The following CTBP1 variants were observed in gnomAD, a reference collection of about 807,000 sequenced individuals.
CTBP1 encodes C-terminal-binding protein 1.
Under a neutral mutation model 42.1 loss-of-function variants are expected in CTBP1, and 11 were observed. That is an observed-to-expected ratio of 0.26 (90% CI 0.16 to 0.43). The LOEUF (loss-of-function observed/expected upper bound fraction) is 0.43, where lower values mean the gene tolerates loss of function less well. Among genes scored for constraint, CTBP1 ranks in the 20% least tolerant of loss-of-function variants. CTBP1 has a pLI of 1.00. For synonymous variants in CTBP1, 324 were observed against 277.1 expected (o/e 1.17, Z -1.68); for missense variants, 399 against 624.3 (o/e 0.64, Z 3.85).
In CTBP1 at chr4:1,238,306, C is replaced by A; in HGVS notation, c.39G>T (p.Leu13=). ...GCAATGCCACCAGGGGCCGCGGGTG[C>A]AGGGGCCCGTTCATGATCGGAGGTC... ...GVRPPIMNGP[L]HPRPLVALLD... Residue 13 remains leucine, a synonymous_variant, in exon 3 of 10, where the codon CTG becomes CTT. Coordinates refer to ENST00000382952, the MANE Select transcript of CTBP1 (RefSeq NM_001012614.2). This position sits in a 1 kb window ranked among gnomAD's most constrained non-coding sequence, Gnocchi z 5.9. 1 of 1,589,882 alleles carries A rather than the reference C, an allele frequency of 6.3e-7. No individual in the cohort carries two copies. The highest frequency in any genetic ancestry group is 1.1e-5 in the South Asian group (1 of 89,484).
chr4:1,221,697 C>T (rs376671078), intron 5 of CTBP1: 160 of 337,828 alleles, frequency 4.7e-4, no homozygotes, highest in African/African-American at 3.0e-3. Flanking sequence ...CTCTAGGAAG[C>T]GGGACCCGGG....
At chr4:1,216,385 A>T in intron 5 of CTBP1, 180 bp from the exon 6 acceptor site, 1 of 639,038 alleles carries the variant, frequency 1.6e-6, no homozygotes, top group South Asian at 1.9e-5. Context: ...CGTCCGCTCC[A>T]ACGCGCCCAC....
At chr4:1,247,501 G>C (rs934973996) in intron 1 of CTBP1, among the ~76,000 whole-genome samples, 39 of 152,310 alleles carry the variant, frequency 2.6e-4, no homozygotes, top group Admixed American at 1.6e-3. Context: ...GCCCAGGGCA[G>C]AGCCACGCCC....
chr4:1,249,022 T>A lies in CTBP1; in HGVS notation c.-295A>T. ...GCTGCGCCGCCGCGAGCCCGGCGCG[T>A]GGGGCGGCCTCGGCGCCGTCCGCTG... On this transcript the variant is annotated 5_prime_UTR_variant, in exon 1 of 10. Transcript: ENST00000382952. 1.3e-6 allele frequency: 1 copy of A among 790,510 alleles called. No individual in the cohort carries two copies. Among genetic ancestry groups the A allele is most frequent in the Non-Finnish European group, 1.5e-6 (1 of 656,534 alleles). The allele number at this position is 790,510 out of a possible 1,614,324, so 49.0% of individuals were successfully genotyped here. A position where few individuals can be genotyped will look rare whatever the true frequency, so the allele number is the denominator to read the frequency against.
At chr4:1,215,691 G>T (rs1239583920) in intron 6 of CTBP1, 6 of 449,156 alleles carry the variant, frequency 1.3e-5, no homozygotes, top group African/African-American at 1.2e-4. Flanking sequence ...ACGCCCCCAG[G>T]TAGCTGCATC....
intron 1 of CTBP1, chr4:1,244,345 T>C: frequency 2.6e-5 from 23 of 884,860 alleles, no homozygotes; most frequent in Non-Finnish European, 3.0e-5. Context: ...ACAGTGGGTC[T>C]CTGGGCACTG....
At chr4:1,220,565 A>G (rs1185043798) in intron 5 of CTBP1, among the ~76,000 whole-genome samples, 1 of 152,270 alleles carries the variant, frequency 6.6e-6, no homozygotes, top group Non-Finnish European at 1.5e-5. Context: ...AGCAGGACCT[A>G]AAACAGCCAA....
chr4:1,230,892 G>A (rs1303191762), intron 3 of CTBP1, among the ~76,000 whole-genome samples: 9 of 152,234 alleles, frequency 5.9e-5, no homozygotes, highest in Non-Finnish European at 8.8e-5. Flanking sequence ...TTTGGGCTCC[G>A]GGCGCGCCCA....
At chr4:1,223,765 C>G (rs1730007689) in intron 5 of CTBP1, among the ~76,000 whole-genome samples, 1 of 152,176 alleles carries the variant, frequency 6.6e-6, no homozygotes, top group South Asian at 2.1e-4. Flanking sequence ...TGGCCTCTCC[C>G]AGCTCTACTT....
At chr4:1,219,307 G>A (rs529037720) in intron 5 of CTBP1, among the ~76,000 whole-genome samples, 2 of 152,162 alleles carry the variant, frequency 1.3e-5, no homozygotes, top group Non-Finnish European at 2.9e-5. Flanking sequence ...AGCCGTGACC[G>A]CACCACCACA....
chr4:1,230,445 G>A (rs566058596), intron 3 of CTBP1, among the ~76,000 whole-genome samples: 88 of 152,352 alleles, frequency 5.8e-4, no homozygotes, highest in Admixed American at 3.0e-3. Context: ...GTGGGCAGGA[G>A]GGGCTGCGCA....
At chr4:1,245,477 T>C (rs1732620954) in intron 1 of CTBP1, 1 of 985,242 alleles carries the variant, frequency 1.0e-6, no homozygotes, top group African/African-American at 1.7e-5. Flanking sequence ...CAGCCTCGGA[T>C]GCCTCTGAGG....
At chr4:1,242,366 A>T in intron 1 of CTBP1, 1 of 985,386 alleles carries the variant, frequency 1.0e-6, no homozygotes, top group Non-Finnish European at 1.2e-6. Flanking sequence ...TGACCAGGAC[A>T]GGAGCCGGCC....
intron 2 of CTBP1, 39 bp downstream of exon 2, chr4:1,241,286 G>A (rs767614934): frequency 1.3e-5 from 10 of 791,172 alleles, no homozygotes; most frequent in Middle Eastern, 2.3e-4. Context: ...GAGACCGGCC[G>A]GCTTCACTCT....
intron 1 of CTBP1, chr4:1,242,094 C>A: frequency 1.0e-6 from 1 of 985,436 alleles, no homozygotes; most frequent in African/African-American, 1.7e-5. Flanking sequence ...GCGACGCTCC[C>A]TCAATTCTCC....
chr4:1,243,193 CG>C lies in CTBP1; in HGVS notation c.-188-1675del, dbSNP rs958001214. ...CCAGCCGCTGCTCCTGGAGGATCAT[CG>C]ATACCCATCAATGCTGCTCAATGCT... On this transcript the variant is annotated intron_variant, in intron 1 of 9. Transcript: ENST00000382952. The C allele has an allele frequency of 7.1e-6, 7 of 985,298 alleles. No homozygotes were observed. In the African/African-American group the frequency reaches 1.2e-4, roughly 17 times the overall value. The allele number at this position is 985,298 out of a possible 1,614,324, so 61.0% of individuals were successfully genotyped here.
At chr4:1,220,512 T>C (rs1030265766) in intron 5 of CTBP1, among the ~76,000 whole-genome samples, 3 of 151,984 alleles carry the variant, frequency 2.0e-5, no homozygotes, top group African/African-American at 7.3e-5. Context: ...CTCAACAAAA[T>C]GAAAATTGAT....
chr4:1,243,668 C>T (rs1326305465), intron 1 of CTBP1: 13 of 985,332 alleles, frequency 1.3e-5, no homozygotes, highest in African/African-American at 8.7e-5. Flanking sequence ...AGAGGCCCTG[C>T]GCACCTCACG....
Position 1,244,551 on chromosome 4 carries a change from G to A in CTBP1, c.-188-3032C>T, listed in dbSNP as rs537374332. 44 of 984,920 alleles carry A rather than the reference G, an allele frequency of 4.5e-5. No homozygotes were observed. In the South Asian group the frequency reaches 1.5e-3, roughly 33 times the overall value. 61.0% of individuals were successfully genotyped at this position (984,920 alleles called of 1,614,324 possible). A position where few individuals can be genotyped will look rare whatever the true frequency, so the allele number is the denominator to read the frequency against. ...CAACCGGTCCGCTCCCCTCCCTCAC[G>A]ACCTCCACCAGGACAGTGTCCCAAA... is the stretch of plus-strand genomic sequence containing the variant. On this transcript the variant is annotated intron_variant, in intron 1 of 9. Transcript: ENST00000382952.
Sources: allele counts gnomAD v4.1 joint callset (sites outside exome capture counted in the v4.1 genomes callset), GRCh38; gene constraint gnomAD v4.1.1; non-coding constraint Gnocchi (gnomAD v3.1); transcripts MANE v1.5; gene names NCBI Gene and HGNC (gene_info 2026-07-23, HGNC 2026-07-21).